Variants in HHAT observed in about 807,000 individuals in gnomAD.
The protein encoded by HHAT is protein-cysteine N-palmitoyltransferase HHAT.
Under a neutral mutation model 70.8 loss-of-function variants are expected in HHAT, and 47 were observed. The observed-to-expected ratio is 0.66, with a 90% CI of 0.53 to 0.85. The LOEUF (loss-of-function observed/expected upper bound fraction) is 0.85. HHAT is among the 40% of genes least tolerant of loss of function. The pLI is 0.00. For synonymous variants in HHAT, 228 were observed against 247.6 expected (o/e 0.92, Z 0.74); for missense variants, 609 against 604.8 (o/e 1.01, Z -0.07).
chr1:210,430,105 T>C (rs932701057), intron 7 of HHAT, among the ~76,000 whole-genome samples: 4 of 151,922 alleles, frequency 2.6e-5, no homozygotes, highest in Non-Finnish European at 5.9e-5. Flanking sequence ...TGTCAAATAA[T>C]TTTATATTTT....
chr1:210,362,300 C>T (rs1031792299), intron 2 of HHAT, among the ~76,000 whole-genome samples: 2 of 150,480 alleles, frequency 1.3e-5, no homozygotes, highest in African/African-American at 2.5e-5. Context: ...AGCTGGAGTG[C>T]AATGGCATAA....
intron 1 of HHAT, among the ~76,000 whole-genome samples, chr1:210,341,359 C>A (rs1396059143): frequency 6.6e-6 from 1 of 152,130 alleles, no homozygotes; most frequent in Non-Finnish European, 1.5e-5. Flanking sequence ...AGAAGTAAAG[C>A]TAAAGTATTT....
chr1:210,434,342 A>G (rs1203869752), intron 7 of HHAT, among the ~76,000 whole-genome samples: 2 of 151,870 alleles, frequency 1.3e-5, no homozygotes, highest in African/African-American at 4.9e-5. Context: ...ATCAGAAACT[A>G]GTGGGAAATG....
At chr1:210,436,074 AGCAGTTTCATAGTT>A (rs1434572196) in intron 7 of HHAT, among the ~76,000 whole-genome samples, 2 of 151,762 alleles carry the variant, frequency 1.3e-5, no homozygotes, top group African/African-American at 4.9e-5. Context: ...GTTTTCCTCT[AGCAGTTTCATAGTT>A]GCAGGTCTTG....
intron 8 of HHAT, among the ~76,000 whole-genome samples, chr1:210,500,635 G>A (rs138644004): frequency 1.3e-5 from 2 of 152,202 alleles, no homozygotes; most frequent in East Asian, 1.9e-4. Context: ...GGTTGTCAAG[G>A]GCAACCTGGG....
At chr1:210,389,222 A>G (rs2091287643) in intron 4 of HHAT, among the ~76,000 whole-genome samples, 1 of 152,204 alleles carries the variant, frequency 6.6e-6, no homozygotes, top group African/African-American at 2.4e-5. Context: ...TTAGTAATTT[A>G]TGAAGAAAAG....
intron 10 of HHAT, among the ~76,000 whole-genome samples, chr1:210,622,272 A>G (rs6689744): frequency 0.99 from 150,989 of 152,188 alleles, 74,910 homozygotes; most frequent in Middle Eastern, 1. Flanking sequence ...GAGGATATTC[A>G]GGAAATATCT....
chr1:210,385,799 G>A (rs897604566), intron 3 of HHAT, among the ~76,000 whole-genome samples: 5 of 152,228 alleles, frequency 3.3e-5, no homozygotes, highest in Non-Finnish European at 7.3e-5. Flanking sequence ...GGGTACTGCT[G>A]TTTAATAGCA....
chr1:210,647,214 T>C (rs1368649230), intron 11 of HHAT, among the ~76,000 whole-genome samples: 1 of 152,214 alleles, frequency 6.6e-6, no homozygotes, highest in Non-Finnish European at 1.5e-5. Context: ...ATCTGTCTCC[T>C]GTCTGTCTTT....
intron 9 of HHAT, among the ~76,000 whole-genome samples, chr1:210,533,867 T>G (rs1207468218): frequency 6.6e-6 from 1 of 150,992 alleles, no homozygotes; most frequent in East Asian, 2.1e-4. Flanking sequence ...TTCTGAGAAA[T>G]CAATCCTGAC....
At chr1:210,410,945 C>A (rs1022862012) in intron 6 of HHAT, among the ~76,000 whole-genome samples, 3 of 152,134 alleles carry the variant, frequency 2.0e-5, no homozygotes, top group African/African-American at 7.2e-5. Context: ...GTAATTATGC[C>A]TTATTATACC....
chr1:210,447,044 C>A (rs1246520409), intron 7 of HHAT, among the ~76,000 whole-genome samples: 1 of 151,938 alleles, frequency 6.6e-6, no homozygotes, highest in Non-Finnish European at 1.5e-5. Flanking sequence ...CAGGCTAAAC[C>A]CCTTTATAGG....
At chr1:210,468,417 G>T (rs1432855307) in intron 8 of HHAT, among the ~76,000 whole-genome samples, 1 of 152,168 alleles carries the variant, frequency 6.6e-6, no homozygotes, top group Admixed American at 6.5e-5. Flanking sequence ...TGCACAGCTT[G>T]CCCTCTGCAT....
chr1:210,596,491 C>A (rs1203916760), intron 10 of HHAT, among the ~76,000 whole-genome samples: 3 of 151,954 alleles, frequency 2.0e-5, no homozygotes, highest in Non-Finnish European at 4.4e-5. Flanking sequence ...TTTTCTAGAT[C>A]TTATAGGCAT....
chr1:210,547,458 C>T (rs1265604051), intron 9 of HHAT, among the ~76,000 whole-genome samples: 1 of 152,200 alleles, frequency 6.6e-6, no homozygotes, highest in Non-Finnish European at 1.5e-5. Flanking sequence ...TAGAAAATTA[C>T]AGAAGCATAT....
chr1:210,376,715 C>T (rs1358024796), intron 3 of HHAT, among the ~76,000 whole-genome samples: 2 of 152,130 alleles, frequency 1.3e-5, no homozygotes, highest in African/African-American at 2.4e-5. Context: ...GTCTCTTGGA[C>T]AGCTTGGGCA....
At position 210,502,957 on chromosome 1, in the gene HHAT, C is replaced by T. The variant is rs79133657; in HGVS notation, c.1008-10196C>T. On this transcript the variant is annotated intron_variant, in intron 8 of 11. Coordinates refer to ENST00000261458, the MANE Select transcript of HHAT (RefSeq NM_018194.6). Reference sequence around the variant, plus strand: ...TTATACTGTGTACTCAATATACTGTCTATATACTGAAGATATTTTTTTTTT... The same window carrying T: ...TTATACTGTGTACTCAATATACTGTTTATATACTGAAGATATTTTTTTTTT... Among the ~76,000 whole-genome samples, 497 of 148,956 alleles carry T rather than the reference C, an allele frequency of 3.3e-3. 3 individuals carry two copies. The highest frequency in any genetic ancestry group is 4.0e-3 in the Non-Finnish European group (272 of 67,314).
intron 3 of HHAT, among the ~76,000 whole-genome samples, chr1:210,368,105 A>G (rs1268527496): frequency 2.0e-5 from 3 of 152,098 alleles, no homozygotes; most frequent in East Asian, 1.9e-4. Flanking sequence ...TGAAGTAAAC[A>G]TGTTTCTAGA....
At chr1:210,512,776 T>C (rs1007061594) in intron 8 of HHAT, among the ~76,000 whole-genome samples, 1 of 151,956 alleles carries the variant, frequency 6.6e-6, no homozygotes, top group Non-Finnish European at 1.5e-5. Flanking sequence ...GACTCATATA[T>C]TGGAAAAGTG....
Sources: allele counts gnomAD v4.1 joint callset (sites outside exome capture counted in the v4.1 genomes callset), GRCh38; gene constraint gnomAD v4.1.1; transcripts MANE v1.5; gene names NCBI Gene and HGNC (gene_info 2026-07-23, HGNC 2026-07-21).